The following SV2C variants were observed in gnomAD, a reference collection of about 807,000 sequenced individuals.
SV2C encodes synaptic vesicle glycoprotein 2C.
Under a neutral mutation model 79.7 loss-of-function variants are expected in SV2C, and 49 were observed. The ratio of observed to expected loss-of-function variants is 0.61; its 90% confidence interval spans 0.49 to 0.78. SV2C has a LOEUF of 0.78. Ranked by LOEUF, SV2C falls within the 30% of genes least tolerant of loss-of-function variation. SV2C has a pLI of 0.00. For missense variants in SV2C, 833 were observed against 912.9 expected, an observed-to-expected ratio of 0.91 and a Z score of 1.13; for synonymous variants, 334 against 333.2, an observed-to-expected ratio of 1.00 and a Z score of -0.03.
chr5:75,967,629 C>A, the SV2C span, among the ~76,000 whole-genome samples: 1 of 152,174 alleles, frequency 6.6e-6, no homozygotes. Flanking sequence ...GGGGGAGGGG[C>A]ACCCGCCATT....
chr5:75,999,203 G>A, the SV2C span, among the ~76,000 whole-genome samples: 2 of 152,058 alleles, frequency 1.3e-5, no homozygotes, highest in Non-Finnish European at 2.9e-5. Context: ...CCTGCAACAC[G>A]TGGGAATTCA....
At chr5:75,911,987 A>T in the SV2C span, 1 of 322,764 alleles carries the variant, frequency 3.1e-6, no homozygotes, top group Non-Finnish European at 6.2e-6. Context: ...CTCAGTAGGA[A>T]TGCTGGTGCT....
chr5:76,254,192 ATATATATATGTGTG>A (rs1746198980), intron 4 of SV2C, among the ~76,000 whole-genome samples: 1 of 149,082 alleles, frequency 6.7e-6, no homozygotes, highest in African/African-American at 2.5e-5. Context: ...GTGTGTGTGT[ATATATATATGTGTG>A]TATATATATG....
chr5:76,054,541 T>C, the SV2C span, among the ~76,000 whole-genome samples: 2 of 152,226 alleles, frequency 1.3e-5, no homozygotes, highest in African/African-American at 4.8e-5. Flanking sequence ...ACAGTATTTC[T>C]GGTTCTAGAT....
intron 12 of SV2C, chr5:76,311,318 A>G (rs2112543910): frequency 6.6e-6 from 1 of 152,468 alleles, no homozygotes; most frequent in Admixed American, 6.5e-5. Flanking sequence ...TGGTCGATGC[A>G]GTGCCCTTCT....
intron 2 of SV2C, among the ~76,000 whole-genome samples, chr5:76,147,001 G>A (rs1002610015): frequency 6.6e-6 from 1 of 152,098 alleles, no homozygotes; most frequent in African/African-American, 2.4e-5. Context: ...TGGAGATGGG[G>A]AATGGATTAG....
chr5:76,068,712 G>C, the SV2C span, among the ~76,000 whole-genome samples: 3 of 152,202 alleles, frequency 2.0e-5, no homozygotes, highest in East Asian at 3.9e-4. Flanking sequence ...GAATGAAAGA[G>C]GTTTTACCAA....
the SV2C span, among the ~76,000 whole-genome samples, chr5:75,951,995 C>G: frequency 6.6e-6 from 1 of 151,880 alleles, no homozygotes; most frequent in African/African-American, 2.4e-5. Flanking sequence ...GCAGGGAAAT[C>G]TTTTCAAGTG....
the SV2C span, among the ~76,000 whole-genome samples, chr5:76,017,972 A>G: frequency 2.0e-5 from 3 of 152,250 alleles, no homozygotes; most frequent in South Asian, 6.2e-4. Flanking sequence ...GGCATGAGGC[A>G]TCCATTTTGC....
chr5:76,073,089 A>G, the SV2C span, among the ~76,000 whole-genome samples: 1 of 152,100 alleles, frequency 6.6e-6, no homozygotes, highest in South Asian at 2.1e-4. Flanking sequence ...CAGAAGCTTT[A>G]TAGTTTAAGT....
the SV2C span, among the ~76,000 whole-genome samples, chr5:75,899,474 C>T: frequency 6.6e-6 from 1 of 152,030 alleles, no homozygotes; most frequent in East Asian, 1.9e-4. Flanking sequence ...CTGAGGAGAG[C>T]TTTACTTCCA....
chr5:75,995,929 A>G, the SV2C span, among the ~76,000 whole-genome samples: 3 of 152,174 alleles, frequency 2.0e-5, no homozygotes, highest in Non-Finnish European at 4.4e-5. Flanking sequence ...ACAGAAAAAA[A>G]TACTCTTCTC....
chr5:76,206,449 A>G (rs1340392612), intron 3 of SV2C, among the ~76,000 whole-genome samples: 1 of 152,226 alleles, frequency 6.6e-6, no homozygotes, highest in Non-Finnish European at 1.5e-5. Context: ...CAACTAAGGC[A>G]TAGAGCAACT....
At chr5:75,925,717 AAT>A in the SV2C span, among the ~76,000 whole-genome samples, 2 of 150,284 alleles carry the variant, frequency 1.3e-5, no homozygotes, top group African/African-American at 5.0e-5. Context: ...TCATTTAAAA[AAT>A]AAATATTTTT....
chr5:76,136,597 G>A (rs1421015251), intron 2 of SV2C, among the ~76,000 whole-genome samples: 4 of 152,010 alleles, frequency 2.6e-5, no homozygotes, highest in African/African-American at 7.2e-5. Flanking sequence ...GAACTACCAG[G>A]CTTACCTTTG....
intron 2 of SV2C, among the ~76,000 whole-genome samples, chr5:76,171,800 A>AGGGAGGTAGGGG: frequency 9.1e-6 from 1 of 110,148 alleles, no homozygotes. Context: ...CCCGTCCGGG[A>AGGGAGGTAGGGG]GGTGAGGGGC....
chr5:76,130,960 C>T (rs767252937), intron 1 of SV2C, among the ~76,000 whole-genome samples: 1 of 152,160 alleles, frequency 6.6e-6, no homozygotes, highest in African/African-American at 2.4e-5. Flanking sequence ...ACCAAACAAG[C>T]CATATGTTCT....
At chr5:76,179,030 G>T (rs1036046448) in intron 2 of SV2C, among the ~76,000 whole-genome samples, 1 of 152,188 alleles carries the variant, frequency 6.6e-6, no homozygotes, top group Non-Finnish European at 1.5e-5. Flanking sequence ...CATAGTTCCT[G>T]CCAGGAGTCA....
rs1243168211 is a variant in SV2C, at chr5:76,285,780, G to C, written c.1048-1G>C. ...CTTCACTGTCCACTCTCATTTCTTA[G>C]GTTGGAAAACATGATGAAGCTTGGA... On this transcript the variant is annotated splice_acceptor_variant, in intron 5 of 12. Transcript: ENST00000502798. LOFTEE classifies it high-confidence loss of function. The C allele has an allele frequency of 1.2e-6, 2 of 1,613,422 alleles. No individual in the cohort carries two copies. Among genetic ancestry groups the C allele is most frequent in the Admixed American group, 1.7e-5 (1 of 59,846 alleles).
Sources: gnomAD v4.1 joint callset for allele counts (sites outside exome capture counted in the v4.1 genomes callset) on GRCh38, gnomAD v4.1.1 for gene constraint, MANE v1.5 for transcripts, NCBI Gene and HGNC (gene_info 2026-07-23, HGNC 2026-07-21) for gene names.